The following C9orf153 variants were observed in gnomAD, a reference collection of about 807,000 sequenced individuals.
C9orf153 encodes uncharacterized protein C9orf153.
C9orf153 carries 10 observed loss-of-function variants against 9.0 expected under a neutral mutation model. The observed-to-expected ratio is 1.11, with a 90% CI of 0.69 to 1.89. The LOEUF (loss-of-function observed/expected upper bound fraction) is 1.89. C9orf153 is among the 40% of genes most tolerant of loss of function. The pLI is 0.00. For missense variants in C9orf153, 108 were observed against 111.0 expected (o/e 0.97, Z 0.12); for synonymous variants, 35 against 37.3 (o/e 0.94, Z 0.23).
At chr9:86,229,300 G>A (rs1327736667) in intron 2 of C9orf153, among the ~76,000 whole-genome samples, 4 of 151,674 alleles carry the variant, frequency 2.6e-5, no homozygotes, top group Non-Finnish European at 2.9e-5. Context: ...TTGGTGAATG[G>A]CTCTTTATAA....
intron 1 of C9orf153, 102 bp from the exon 2 acceptor site, chr9:86,229,731 T>A: frequency 1.5e-6 from 1 of 652,354 alleles, no homozygotes; most frequent in Non-Finnish European, 2.6e-6. Flanking sequence ...AATTTGTGAG[T>A]GGGACATTTT....
rs778709075 is a variant in C9orf153, at chr9:86,229,598, G to A, written c.6C>T (p.Phe2=). The A allele has an allele frequency of 1.9e-6, 3 of 1,610,912 alleles. No homozygotes were observed. The highest frequency in any genetic ancestry group is 2.5e-6 in the Non-Finnish European group (3 of 1,177,484). Reference sequence around the variant, plus strand: ...CAGCTGGACTGGTGTCTCCAGTGAGGAACATCGTGCTGGGATTTTATTCTC... The same window carrying A: ...CAGCTGGACTGGTGTCTCCAGTGAGAAACATCGTGCTGGGATTTTATTCTC... The part of the protein sequence containing the change: M[F]LTGDTSPAED... The change falls in exon 2 of 4, where the codon TTC becomes TTT. Residue 2 remains phenylalanine, a synonymous_variant. Transcript: ENST00000339137.
chr9:86,225,211 T>C (rs1006183161), intron 3 of C9orf153, among the ~76,000 whole-genome samples: 3 of 152,160 alleles, frequency 2.0e-5, no homozygotes, highest in African/African-American at 7.2e-5. Flanking sequence ...AAAGTTCTTC[T>C]GGACTGAGTA....
At chr9:86,240,623 T>G (rs925756895) in intron 1 of C9orf153, among the ~76,000 whole-genome samples, 9 of 151,102 alleles carry the variant, frequency 6.0e-5, no homozygotes, top group Non-Finnish European at 8.8e-5. Flanking sequence ...AGTGATCCAC[T>G]TGCCTCAGCC....
chr9:86,249,505 G>A (rs933275229), intron 1 of C9orf153, among the ~76,000 whole-genome samples: 5 of 150,642 alleles, frequency 3.3e-5, no homozygotes, highest in Non-Finnish European at 7.4e-5. Context: ...TTGTCACATT[G>A]TATATTGTCA....
rs1347862872 is a variant in C9orf153, at chr9:86,220,494, A to G, written c.*1194T>C. 1.3e-5 allele frequency: 2 copies of G among 152,202 alleles called. No individual in the cohort carries two copies. Among genetic ancestry groups the G allele is most frequent in the Non-Finnish European group, 2.9e-5 (2 of 68,040 alleles). 9.4% of individuals were successfully genotyped at this position (152,202 alleles called of 1,614,324 possible). A position where few individuals can be genotyped will look rare whatever the true frequency, so the allele number is the denominator to read the frequency against. On this transcript the variant is annotated 3_prime_UTR_variant, in exon 4 of 4. Transcript: ENST00000339137. ...AGAGAGTTTGGCTGCTTATAGAATT[A>G]CAGACAGCTATTTTCCTTCAGCATT... is the stretch of plus-strand genomic sequence containing the variant.
At chr9:86,240,315 T>C (rs1391376425) in intron 1 of C9orf153, among the ~76,000 whole-genome samples, 1 of 151,840 alleles carries the variant, frequency 6.6e-6, no homozygotes, top group East Asian at 1.9e-4. Context: ...TATGCTATAG[T>C]GGATAAATAT....
chr9:86,230,168 G>A (rs529917885), intron 1 of C9orf153, among the ~76,000 whole-genome samples: 10 of 152,120 alleles, frequency 6.6e-5, no homozygotes, highest in East Asian at 1.9e-4. Flanking sequence ...TTGCTTTTTC[G>A]TAGTTTAGGT....
At position 86,229,520 on chromosome 9, in the gene C9orf153, A is replaced by G; in HGVS notation, c.66+18T>C. ...AAGCTCCCTGTGTACACCTCGTTGT[A>G]CAATGTTAAGTACATACTGAACATT... On this transcript the variant is annotated intron_variant, in intron 2 of 3. Transcript: ENST00000339137. The G allele has an allele frequency of 6.4e-7, 1 of 1,558,418 alleles. No individual in the cohort carries two copies. The highest frequency in any genetic ancestry group is 8.8e-7 in the Non-Finnish European group (1 of 1,130,530).
intron 1 of C9orf153, among the ~76,000 whole-genome samples, chr9:86,250,217 C>T (rs577350569): frequency 6.6e-6 from 1 of 152,216 alleles, no homozygotes; most frequent in East Asian, 1.9e-4. Context: ...TTTTCTTTTG[C>T]TCTTGAGAGA....
intron 1 of C9orf153, among the ~76,000 whole-genome samples, chr9:86,242,785 T>C (rs539008364): frequency 6.6e-6 from 1 of 152,244 alleles, no homozygotes; most frequent in African/African-American, 2.4e-5. Flanking sequence ...TTCAAGTGAT[T>C]CTCCTGCCTC....
chr9:86,258,807 C>T (rs1450173242), intron 1 of C9orf153, among the ~76,000 whole-genome samples: 1 of 151,734 alleles, frequency 6.6e-6, no homozygotes, highest in Non-Finnish European at 1.5e-5. Flanking sequence ...TTCCCACAAC[C>T]CCCCTTCTCT....
At chr9:86,231,403 G>A (rs1824465156) in intron 1 of C9orf153, among the ~76,000 whole-genome samples, 1 of 152,036 alleles carries the variant, frequency 6.6e-6, no homozygotes, top group African/African-American at 2.4e-5. Flanking sequence ...ATATTTCTAG[G>A]TACAGGGTAC....
intron 3 of C9orf153, chr9:86,227,260 C>T: frequency 1.5e-6 from 2 of 1,363,512 alleles, no homozygotes; most frequent in Non-Finnish European, 9.4e-7. Flanking sequence ...GATCCTCCCA[C>T]CTAAACCTCT....
intron 1 of C9orf153, among the ~76,000 whole-genome samples, chr9:86,259,283 G>T (rs1187653843): frequency 6.6e-6 from 1 of 152,152 alleles, no homozygotes; most frequent in Non-Finnish European, 1.5e-5. Flanking sequence ...TATCAGTGTT[G>T]AAGGCCGGAA....
At chr9:86,248,474 G>A (rs959562308) in intron 1 of C9orf153, among the ~76,000 whole-genome samples, 3 of 152,090 alleles carry the variant, frequency 2.0e-5, no homozygotes, top group Non-Finnish European at 4.4e-5. Flanking sequence ...GAGTACGCGC[G>A]CAGGTTTGTT....
intron 1 of C9orf153, among the ~76,000 whole-genome samples, chr9:86,241,820 T>G (rs191354016): frequency 9.3e-4 from 141 of 152,220 alleles, no homozygotes; most frequent in Middle Eastern, 3.4e-3. Flanking sequence ...GAGACAGGAC[T>G]TCACCATGTT....
intron 1 of C9orf153, among the ~76,000 whole-genome samples, chr9:86,240,531 C>G (rs1273098062): frequency 6.6e-6 from 1 of 151,594 alleles, no homozygotes; most frequent in Non-Finnish European, 1.5e-5. Flanking sequence ...GCACACACCA[C>G]CACGCCCGGC....
rs144188042 is a variant in C9orf153 at position 86,249,775 on chromosome 9, G to A, written c.-27+9775C>T. On this transcript the variant is annotated intron_variant, in intron 1 of 3. Transcript: ENST00000339137. ...TTGGCCAGGCTGGTCTTGAACTCCTGACTTCAAGTGATCTGCCTGCCTCAG... is the reference window on the plus strand; with the variant it reads ...TTGGCCAGGCTGGTCTTGAACTCCTAACTTCAAGTGATCTGCCTGCCTCAG... Among the ~76,000 whole-genome samples, 1,423 of 152,262 alleles carry A rather than the reference G, an allele frequency of 9.3e-3. 23 individuals carry two copies. Among genetic ancestry groups the A allele is most frequent in the African/African-American group, 0.032 (1,341 of 41,552 alleles).
Sources: allele counts gnomAD v4.1 joint callset (sites outside exome capture counted in the v4.1 genomes callset), GRCh38; gene constraint gnomAD v4.1.1; transcripts MANE v1.5; gene names NCBI Gene and HGNC (gene_info 2026-07-23, HGNC 2026-07-21).